The following SPAG16 variants were observed in gnomAD, a reference collection of about 807,000 sequenced individuals.
The protein encoded by SPAG16 is sperm associated antigen 16.
SPAG16 carries 86 observed loss-of-function variants against 80.4 expected under a neutral mutation model. The ratio of observed to expected loss-of-function variants is 1.07; its 90% CI spans 0.90 to 1.28. The LOEUF (loss-of-function observed/expected upper bound fraction) is 1.28. Ranked by LOEUF, SPAG16 falls within the 50% of genes most tolerant of loss-of-function variation. SPAG16 has a pLI of 0.00. For synonymous variants in SPAG16, 294 were observed against 265.9 expected (o/e 1.11, Z -1.03); for missense variants, 870 against 765.3 (o/e 1.14, Z -1.61).
chr2:214,408,710 A>G (rs1278848272), intron 15 of SPAG16, among the ~76,000 whole-genome samples: 1 of 152,172 alleles, frequency 6.6e-6, no homozygotes, highest in Non-Finnish European at 1.5e-5. Flanking sequence ...TCACTTACCT[A>G]AAATCTGTCA....
chr2:213,988,156 T>G (rs943512768), intron 12 of SPAG16, among the ~76,000 whole-genome samples: 2 of 151,964 alleles, frequency 1.3e-5, no homozygotes, highest in African/African-American at 4.8e-5. Context: ...AAACCAAGAT[T>G]ATTCATACAA....
chr2:213,599,323 A>G (rs1365890332), intron 10 of SPAG16, among the ~76,000 whole-genome samples: 1 of 152,154 alleles, frequency 6.6e-6, no homozygotes, highest in Non-Finnish European at 1.5e-5. Flanking sequence ...CCCAAGCTCA[A>G]CTGACATAAA....
intron 12 of SPAG16, among the ~76,000 whole-genome samples, chr2:213,972,820 T>TG (rs1419087997): frequency 6.6e-6 from 1 of 152,188 alleles, no homozygotes; most frequent in Non-Finnish European, 1.5e-5. Flanking sequence ...AACCATATAC[T>TG]TTTTCCCTTA....
In SPAG16 at chr2:213,531,784, T is replaced by G. The variant is rs113673834; in HGVS notation, c.1070+41694T>G. On this transcript the variant is annotated intron_variant, in intron 10 of 15. Transcript: ENST00000331683. ...AAAAGGTCCTTCTTTTTTACTAATTTTTCTGTAATTTTATTCCATTTTTTT... is the reference window on the plus strand; with the variant it reads ...AAAAGGTCCTTCTTTTTTACTAATTGTTCTGTAATTTTATTCCATTTTTTT... 7.9e-4 allele frequency among the ~76,000 whole-genome samples: 120 copies of G among 152,266 alleles called. 2 individuals carry two copies. Among genetic ancestry groups the G allele is most frequent in the Middle Eastern group, 3.4e-3 (1 of 292 alleles).
At chr2:214,043,646 C>T (rs1478766267) in intron 13 of SPAG16, among the ~76,000 whole-genome samples, 1 of 152,136 alleles carries the variant, frequency 6.6e-6, no homozygotes, top group Non-Finnish European at 1.5e-5. Flanking sequence ...CTGGTTGCAG[C>T]TCTGGTCTAT....
intron 10 of SPAG16, among the ~76,000 whole-genome samples, chr2:213,561,686 T>C (rs2059602663): frequency 6.6e-6 from 1 of 152,172 alleles, no homozygotes; most frequent in African/African-American, 2.4e-5. Context: ...AATCAAGTCA[T>C]ATTTTTGTTT....
chr2:214,036,754 C>T (rs1049910576), intron 13 of SPAG16, among the ~76,000 whole-genome samples: 3 of 152,132 alleles, frequency 2.0e-5, no homozygotes, highest in Non-Finnish European at 2.9e-5. Flanking sequence ...AAGAAAGAGG[C>T]CTACTCAGTA....
intron 10 of SPAG16, among the ~76,000 whole-genome samples, chr2:213,784,542 T>C (rs958984282): frequency 3.3e-5 from 5 of 150,948 alleles, no homozygotes; most frequent in Non-Finnish European, 4.4e-5. Flanking sequence ...CAATACAATT[T>C]TACTTACGAT....
intron 10 of SPAG16, among the ~76,000 whole-genome samples, chr2:213,691,198 C>T (rs908273330): frequency 6.6e-6 from 1 of 152,176 alleles, no homozygotes; most frequent in Non-Finnish European, 1.5e-5. Flanking sequence ...TAGCCAGTCT[C>T]TAAAGATAAC....
chr2:213,548,020 A>G (rs1309072454), intron 10 of SPAG16, among the ~76,000 whole-genome samples: 1 of 152,172 alleles, frequency 6.6e-6, no homozygotes, highest in African/African-American at 2.4e-5. Context: ...TACTGCAATC[A>G]ATGACCTATA....
At chr2:213,962,279 G>A (rs1008662374) in intron 12 of SPAG16, among the ~76,000 whole-genome samples, 2 of 150,320 alleles carry the variant, frequency 1.3e-5, no homozygotes, top group African/African-American at 2.5e-5. Flanking sequence ...CTGCAAGCTC[G>A]CCTCCTGGGT....
At chr2:214,013,916 C>T in intron 12 of SPAG16, 35 bp from the exon 13 acceptor site, 1 of 1,604,260 alleles carries the variant, frequency 6.2e-7, no homozygotes, top group Non-Finnish European at 8.5e-7. Flanking sequence ...AGCATAGATA[C>T]TAACTCCTAA....
At chr2:213,932,949 A>AAC (rs3076792) in intron 12 of SPAG16, among the ~76,000 whole-genome samples, 12,376 of 143,924 alleles carry the variant, frequency 0.086, 609 homozygotes, top group African/African-American at 0.14. Flanking sequence ...GTTGTTTGAA[A>AAC]ACACACACAC....
intron 11 of SPAG16, among the ~76,000 whole-genome samples, chr2:213,879,277 G>A (rs1056704395): frequency 5.9e-5 from 9 of 151,774 alleles, no homozygotes; most frequent in Admixed American, 3.3e-4. Context: ...CAATTCATGC[G>A]CATGAGATGG....
At chr2:214,287,032 G>T (rs1693417590) in intron 15 of SPAG16, among the ~76,000 whole-genome samples, 1 of 152,106 alleles carries the variant, frequency 6.6e-6, no homozygotes, top group African/African-American at 2.4e-5. Context: ...TTCAGGAAAG[G>T]TATTTTATTT....
intron 10 of SPAG16, among the ~76,000 whole-genome samples, chr2:213,662,133 C>T (rs2063449130): frequency 1.3e-5 from 2 of 150,436 alleles, no homozygotes; most frequent in Admixed American, 1.3e-4. Flanking sequence ...AATGGTCTAT[C>T]AACCTTATAT....
intron 10 of SPAG16, among the ~76,000 whole-genome samples, chr2:213,493,513 A>G (rs2125743467): frequency 6.6e-6 from 1 of 152,322 alleles, no homozygotes; most frequent in East Asian, 1.9e-4. Context: ...TTCTACTCTT[A>G]CACGATGCTT....
At chr2:213,963,754 C>T (rs2044573057) in intron 12 of SPAG16, among the ~76,000 whole-genome samples, 1 of 152,014 alleles carries the variant, frequency 6.6e-6, no homozygotes, top group Non-Finnish European at 1.5e-5. Flanking sequence ...TGAATTTACC[C>T]TTTTACCATT....
chr2:213,922,830 C>T (rs1388242980), intron 11 of SPAG16, among the ~76,000 whole-genome samples: 5 of 151,982 alleles, frequency 3.3e-5, no homozygotes, highest in East Asian at 3.9e-4. Flanking sequence ...TCTGCATGCC[C>T]GCATTTCTTC....
Sources: allele counts gnomAD v4.1 joint callset (sites outside exome capture counted in the v4.1 genomes callset), GRCh38; gene constraint gnomAD v4.1.1; transcripts MANE v1.5; gene names NCBI Gene and HGNC (gene_info 2026-07-23, HGNC 2026-07-21).